DOCK1: variants seen among roughly 807,000 people sequenced by gnomAD.
DOCK1 encodes dedicator of cytokinesis protein 1.
A neutral mutation model predicts 262.7 loss-of-function variants in DOCK1; 138 were observed. The ratio of observed to expected loss-of-function variants is 0.53; its 90% CI spans 0.46 to 0.61. The LOEUF is 0.61. Ranked by LOEUF, DOCK1 falls within the 20% of genes least tolerant of loss-of-function variation. DOCK1 has a pLI of 0.00. For synonymous variants in DOCK1, 866 were observed against 867.4 expected (o/e 1.00, Z 0.03); for missense variants, 1,908 against 2,370.7 (o/e 0.80, Z 4.05).
chr10:127,451,395 C>G lies in DOCK1; in HGVS notation c.5629C>G (p.Gln1877Glu). ...TCCCCCTCCAAAGACAACTCGCAAG[C>G]AGGCATCGGTGGACTCCGGGATCGT... ...PPPPPKTTRK[Q>E]ASVDSGIVQ is the part of the protein sequence containing the mutation. Residue 1877 changes from glutamine (Q) to glutamate (E), a missense_variant, in exon 52 of 52, where the codon CAG becomes GAG. Physicochemically the swap from Gln to Glu is conservative, Grantham distance 29 (BLOSUM62 2). Transcript: ENST00000623213. 6.3e-7 allele frequency: 1 copy of G among 1,597,578 alleles called. No individual in the cohort carries two copies. The highest frequency in any genetic ancestry group is 8.5e-7 in the Non-Finnish European group (1 of 1,172,178).
At chr10:127,093,239 CTTCTTTTTTTTTTT>C (rs1398921783) in intron 23 of DOCK1, among the ~76,000 whole-genome samples, 25 of 94,256 alleles carry the variant, frequency 2.7e-4, no homozygotes, top group African/African-American at 1.1e-3. Context: ...TTCTTTCTTT[CTTCTTTTTTTTTTT>C]TTTTTTTTTG....
intron 21 of DOCK1, among the ~76,000 whole-genome samples, chr10:127,045,458 C>T (rs541493679): frequency 6.6e-6 from 1 of 152,258 alleles, no homozygotes; most frequent in East Asian, 1.9e-4. Flanking sequence ...TTCTCTGGGC[C>T]AGGCGAAATT....
chr10:126,942,252 T>C (rs1314256810), intron 1 of DOCK1, among the ~76,000 whole-genome samples: 2 of 152,180 alleles, frequency 1.3e-5, no homozygotes, highest in Non-Finnish European at 2.9e-5. Flanking sequence ...CTCGATCTCC[T>C]GACCTCGTGA....
chr10:127,223,568 G>A (rs539039452), intron 27 of DOCK1, among the ~76,000 whole-genome samples: 1 of 152,204 alleles, frequency 6.6e-6, no homozygotes, highest in Admixed American at 6.5e-5. Flanking sequence ...TATTGAACCG[G>A]TAAGTATAAT....
At chr10:127,362,294 T>C (rs2064503926) in intron 33 of DOCK1, 82 bp downstream of exon 33, 1 of 1,449,102 alleles carries the variant, frequency 6.9e-7, no homozygotes, top group Admixed American at 2.5e-5. Flanking sequence ...CTGTAGACAG[T>C]TCTAGAGTTA....
At chr10:126,920,154 G>C (rs1479812245) in intron 1 of DOCK1, among the ~76,000 whole-genome samples, 2 of 152,206 alleles carry the variant, frequency 1.3e-5, no homozygotes, top group Non-Finnish European at 2.9e-5. Context: ...TGGCGATGTT[G>C]GTGGGTTGGG....
chr10:127,419,684 T>C lies in DOCK1; in HGVS notation c.4711T>C (p.Tyr1571His). The change falls in exon 46 of 52, where the codon TAC (tyrosine) becomes CAC (histidine). Residue 1571 changes from tyrosine to histidine, a missense_variant. Around this residue, in one of 9 missense-constraint regions of DOCK1, gnomAD observed 383 missense variants for 420.1 expected, o/e 0.91. Coordinates refer to ENST00000623213, the MANE Select transcript of DOCK1 (RefSeq NM_001290223.2). ...NYEKAFFTDR[Y>H]LQEHPEAHEK... Reference sequence around the variant, plus strand: ...CCACCAGGCCTTCTTTACAGACCGGTACCTGCAGGAGCACCCTGAGGCCCA... The same window carrying C: ...CCACCAGGCCTTCTTTACAGACCGGCACCTGCAGGAGCACCCTGAGGCCCA... The C allele has an allele frequency of 1.2e-6, 2 of 1,605,448 alleles. No homozygotes were observed. The highest frequency in any genetic ancestry group is 1.7e-6 in the Non-Finnish European group (2 of 1,175,778).
chr10:127,155,090 C>T (rs954785419), intron 27 of DOCK1, among the ~76,000 whole-genome samples: 2 of 152,202 alleles, frequency 1.3e-5, no homozygotes, highest in Non-Finnish European at 2.9e-5. Flanking sequence ...TATAAACACT[C>T]TGGGGGCAAA....
chr10:127,309,410 T>C (rs940206122), intron 29 of DOCK1, among the ~76,000 whole-genome samples: 10 of 152,352 alleles, frequency 6.6e-5, no homozygotes, highest in African/African-American at 2.4e-4. Context: ...CTGATGATAG[T>C]TTCTTTTGCT....
chr10:127,140,910 G>A (rs866055687), intron 27 of DOCK1, among the ~76,000 whole-genome samples: 10 of 152,174 alleles, frequency 6.6e-5, no homozygotes, highest in African/African-American at 1.7e-4. Context: ...TTGAGACAGC[G>A]GCTTGTTCAG....
chr10:127,064,633 C>T (rs1269999243), intron 23 of DOCK1, among the ~76,000 whole-genome samples: 1 of 152,214 alleles, frequency 6.6e-6, no homozygotes, highest in Non-Finnish European at 1.5e-5. Context: ...TCTCCCGTCA[C>T]CCCCGCTCCC....
intron 40 of DOCK1, among the ~76,000 whole-genome samples, chr10:127,404,666 G>A (rs751306649): frequency 2.7e-4 from 41 of 152,128 alleles, no homozygotes; most frequent in Admixed American, 2.1e-3. Flanking sequence ...AGATTTACAC[G>A]TATTATTTTA....
rs905855577 is a variant in DOCK1, at chr10:127,368,450, C to G, written c.3433-5331C>G. 3.3e-4 allele frequency among the ~76,000 whole-genome samples: 50 copies of G among 152,100 alleles called. 1 individual carries two copies. Among genetic ancestry groups the G allele is most frequent in the Admixed American group, 3.3e-3 (50 of 15,266 alleles). ...CTTTCCTTACAGCTGGCCAACTCCT[C>G]GAGACACCACCACAGCTGCGTTCAT... On this transcript the variant is annotated intron_variant, in intron 33 of 51. Coordinates refer to ENST00000623213, the MANE Select transcript of DOCK1 (RefSeq NM_001290223.2).
intron 21 of DOCK1, among the ~76,000 whole-genome samples, chr10:127,043,482 C>T (rs576066165): frequency 2.6e-5 from 4 of 152,324 alleles, no homozygotes; most frequent in African/African-American, 7.2e-5. Context: ...GCGGCTTCCT[C>T]GCGAGCCTTT....
chr10:127,421,549 C>G (rs1434084500), intron 46 of DOCK1, among the ~76,000 whole-genome samples: 2 of 152,144 alleles, frequency 1.3e-5, no homozygotes, highest in African/African-American at 4.8e-5. Flanking sequence ...GTTGTACAAC[C>G]AGCACCGCCA....
At chr10:126,978,167 G>A (rs2038690328) in intron 3 of DOCK1, among the ~76,000 whole-genome samples, 179 bp downstream of exon 3, 1 of 152,198 alleles carries the variant, frequency 6.6e-6, no homozygotes, top group African/African-American at 2.4e-5. Flanking sequence ...AACAATATGT[G>A]TACATAGAAA....
chr10:126,941,531 C>T (rs1028798055), intron 1 of DOCK1, among the ~76,000 whole-genome samples: 3,232 of 152,204 alleles, frequency 0.021, 58 homozygotes, highest in Middle Eastern at 0.048. Context: ...CCAAGGCGGG[C>T]GGATCACGAG....
Position 127,451,626 on chromosome 10 carries a change from G to C in DOCK1, c.*199G>C. On this transcript the variant is annotated 3_prime_UTR_variant, in exon 52 of 52. Coordinates refer to ENST00000623213, the MANE Select transcript of DOCK1 (RefSeq NM_001290223.2). The stretch of plus-strand genomic sequence containing the variant: ...GTCATGGAGCAAGGTGGGTCTGGGA[G>C]GTAGATATGGGTCCGGGATGTGCTA... 1 of 1,288,554 alleles carries C rather than the reference G, an allele frequency of 7.8e-7. No individual in the cohort carries two copies. The highest frequency in any genetic ancestry group is 1.0e-6 in the Non-Finnish European group (1 of 967,526). 79.8% of individuals were successfully genotyped at this position (1,288,554 alleles called of 1,614,324 possible). A position where few individuals can be genotyped will look rare whatever the true frequency, so the allele number is the denominator to read the frequency against.
chr10:127,214,094 G>T (rs1322963100), intron 27 of DOCK1, among the ~76,000 whole-genome samples: 1 of 152,064 alleles, frequency 6.6e-6, no homozygotes, highest in Non-Finnish European at 1.5e-5. Flanking sequence ...TGATCCACTC[G>T]CCTCGGCGTC....
Sources: gnomAD v4.1 joint callset for allele counts (sites outside exome capture counted in the v4.1 genomes callset) on GRCh38, gnomAD v4.1.1 for gene constraint, gnomAD v4.1.1 regional missense constraint, MANE v1.5 for transcripts, NCBI Gene and HGNC (gene_info 2026-07-23, HGNC 2026-07-21) for gene names.